Variants in CYP19A1 observed in about 807,000 individuals in gnomAD.
The protein encoded by CYP19A1 is aromatase.
In CYP19A1, 32 loss-of-function variants were observed where a neutral mutation model predicts 44.4. The observed-to-expected ratio is 0.72, with a 90% CI of 0.54 to 0.97. The LOEUF (loss-of-function observed/expected upper bound fraction) is 0.97, where lower values mean the gene tolerates loss of function less well. Among genes scored for constraint, CYP19A1 ranks in the 50% least tolerant of loss-of-function variants. CYP19A1 has a pLI of 0.00. For synonymous variants in CYP19A1, 212 were observed against 215.6 expected, an observed-to-expected ratio of 0.98 and a Z score of 0.14; for missense variants, 598 against 637.8, an observed-to-expected ratio of 0.94 and a Z score of 0.67.
intron 1 of CYP19A1, among the ~76,000 whole-genome samples, chr15:51,245,413 C>T (rs1832764565): frequency 6.6e-6 from 1 of 152,182 alleles, no homozygotes; most frequent in South Asian, 2.1e-4. Flanking sequence ...CATACGTATA[C>T]ATGTGCCATG....
rs28757209 is a variant in CYP19A1 at position 51,210,265 on chromosome 15, G to C, written c.*543C>G. ...ATTAATTGGGCTTAATTCACAGCAAGGGTCAAATGCTGAATTTCTAAGCAT... is the reference window on the plus strand; with the variant it reads ...ATTAATTGGGCTTAATTCACAGCAACGGTCAAATGCTGAATTTCTAAGCAT... On this transcript the variant is annotated 3_prime_UTR_variant, in exon 10 of 10. Coordinates refer to ENST00000396402, the MANE Select transcript of CYP19A1 (RefSeq NM_000103.4). 1.4e-3 allele frequency: 614 copies of C among 445,842 alleles called. 3 individuals carry two copies. Among genetic ancestry groups the C allele is most frequent in the African/African-American group, 0.012 (585 of 49,720 alleles). The allele number at this position is 445,842 out of a possible 1,614,324, so 27.6% of individuals were successfully genotyped here.
chr15:51,333,715 G>A (rs1002982602), intron 1 of CYP19A1, among the ~76,000 whole-genome samples: 5 of 152,122 alleles, frequency 3.3e-5, no homozygotes, highest in African/African-American at 4.8e-5. Flanking sequence ...TCTCTTAGCC[G>A]GGGCCACTCC....
chr15:51,267,827 C>A (rs1186235111), intron 1 of CYP19A1, among the ~76,000 whole-genome samples: 2 of 152,238 alleles, frequency 1.3e-5, no homozygotes, highest in African/African-American at 4.8e-5. Context: ...CTGCCGGCTC[C>A]CCATGCCCCG....
rs1186710970 is a variant in CYP19A1, at chr15:51,277,629, G to A, written c.-38-34679C>T. On this transcript the variant is annotated intron_variant, in intron 1 of 9. Transcript: ENST00000396402. ...AAAATAAATTAGAAAATAAATACGC[G>A]TATTTCCCTAATAGTGCACACCACT... is the stretch of plus-strand genomic sequence containing the variant. Among the ~76,000 whole-genome samples, 9 of 152,200 alleles carry A rather than the reference G, an allele frequency of 5.9e-5. No homozygotes were observed. In the South Asian group the frequency reaches 8.3e-4, roughly 14 times the overall value.
intron 1 of CYP19A1, among the ~76,000 whole-genome samples, chr15:51,284,397 G>A (rs139474934): frequency 6.6e-5 from 10 of 152,292 alleles, no homozygotes; most frequent in East Asian, 1.9e-4. Flanking sequence ...CGTAGGAACC[G>A]CCTCAGAGGT....
intron 2 of CYP19A1, 53 bp downstream of exon 2, chr15:51,242,715 C>T: frequency 8.1e-7 from 1 of 1,231,114 alleles, no homozygotes; most frequent in Non-Finnish European, 1.2e-6. Flanking sequence ...CATCATGGAC[C>T]AAAATCCCAA....
At chr15:51,250,539 G>C (rs1341900480) in intron 1 of CYP19A1, among the ~76,000 whole-genome samples, 1 of 152,200 alleles carries the variant, frequency 6.6e-6, no homozygotes, top group African/African-American at 2.4e-5. Context: ...GCATCTGATA[G>C]AGTCTCCCAG....
chr15:51,245,173 T>C (rs1194053214), intron 1 of CYP19A1, among the ~76,000 whole-genome samples: 1 of 152,226 alleles, frequency 6.6e-6, no homozygotes, highest in Admixed American at 6.5e-5. Flanking sequence ...TGGTCATTTT[T>C]ACAGCCCCAT....
At chr15:51,241,144 T>TG (rs1421225400) in intron 2 of CYP19A1, among the ~76,000 whole-genome samples, 1 of 152,108 alleles carries the variant, frequency 6.6e-6, no homozygotes, top group Non-Finnish European at 1.5e-5. Flanking sequence ...GTGGACAGAG[T>TG]GAGGTGCTGC....
At chr15:51,243,159 T>G in intron 1 of CYP19A1, 1 of 490,454 alleles carries the variant, frequency 2.0e-6, no homozygotes. Context: ...ATTTCTGACC[T>G]TGGTAGAGTC....
Position 51,250,842 on chromosome 15 carries a change from T to C in CYP19A1, c.-38-7892A>G, listed in dbSNP as rs79427506. ...CCCATGACTTCACTTTTCAATTCAA[T>C]TTTGTAAGACCTAACAGGTTACCTG... On this transcript the variant is annotated intron_variant, in intron 1 of 9. Transcript: ENST00000396402. Among the ~76,000 whole-genome samples the C allele has an allele frequency of 3.4e-3, 513 of 152,288 alleles. 11 individuals carry two copies. In the East Asian group the frequency reaches 0.04, roughly 12 times the overall value.
At chr15:51,288,167 A>G (rs986686348) in intron 1 of CYP19A1, among the ~76,000 whole-genome samples, 16 of 152,164 alleles carry the variant, frequency 1.1e-4, no homozygotes, top group African/African-American at 3.6e-4. Context: ...TGATTTTTGA[A>G]TGAATGAAAC....
chr15:51,237,711 G>C (rs776429362), intron 2 of CYP19A1, among the ~76,000 whole-genome samples: 7 of 152,232 alleles, frequency 4.6e-5, no homozygotes, highest in Admixed American at 6.5e-5. Context: ...GCCGAGAGTA[G>C]TGGCTGCTTA....
intron 1 of CYP19A1, among the ~76,000 whole-genome samples, chr15:51,285,384 G>T (rs982303627): frequency 6.6e-6 from 1 of 152,200 alleles, no homozygotes; most frequent in African/African-American, 2.4e-5. Context: ...TGCACAGCCT[G>T]CAATTGCCTT....
intron 3 of CYP19A1, among the ~76,000 whole-genome samples, chr15:51,235,230 A>C (rs2033313646): frequency 6.6e-6 from 1 of 152,236 alleles, no homozygotes; most frequent in Non-Finnish European, 1.5e-5. Flanking sequence ...ATTAAAATAA[A>C]AAAGTAATTA....
intron 1 of CYP19A1, chr15:51,321,907 T>G (rs2036534058): frequency 6.7e-6 from 1 of 149,564 alleles, no homozygotes; most frequent in Non-Finnish European, 1.5e-5. Context: ...GAGAAACCCA[T>G]CAACATCCTG....
chr15:51,212,445 C>T lies in CYP19A1; in HGVS notation c.1138G>A (p.Asp380Asn). ...VDLVMRKALE[D>N]DVIDGYPVKK... is the part of the protein sequence containing the mutation. ...ACTGGGTAGCCATCGATTACATCAT[C>T]TTCTAAGGCTTTGCGCATGACCAAG... Residue 380 changes from aspartate to asparagine, a missense_variant, in exon 9 of 10, where the codon GAT becomes AAT. By Grantham distance (23) the Asp-to-Asn change is conservative. Transcript: ENST00000396402. The T allele has an allele frequency of 6.2e-7, 1 of 1,610,956 alleles. No individual in the cohort carries two copies. Among genetic ancestry groups the T allele is most frequent in the Admixed American group, 1.7e-5 (1 of 60,018 alleles).
At position 51,258,194 on chromosome 15, in the gene CYP19A1, C is replaced by G. The variant is rs187976773; in HGVS notation, c.-38-15244G>C. On this transcript the variant is annotated intron_variant, in intron 1 of 9. Coordinates refer to ENST00000396402, the MANE Select transcript of CYP19A1 (RefSeq NM_000103.4). ...AGATAACATTATATTTATACCCTAC[C>G]TACTTGCAAAGGACCGGAGGCAGTA... Among the ~76,000 whole-genome samples the G allele has an allele frequency of 6.8e-3, 1,033 of 152,242 alleles. 4 individuals carry two copies. Among genetic ancestry groups the G allele is most frequent in the Non-Finnish European group, 9.8e-3 (664 of 68,024 alleles).
intron 1 of CYP19A1, among the ~76,000 whole-genome samples, chr15:51,327,039 ACT>A (rs34873000): frequency 0.43 from 65,674 of 151,862 alleles, 15,168 homozygotes; most frequent in African/African-American, 0.59. Flanking sequence ...ATTTCCAATG[ACT>A]CTGCATGCAC....
Sources: gnomAD v4.1 joint callset for allele counts (sites outside exome capture counted in the v4.1 genomes callset) on GRCh38, gnomAD v4.1.1 for gene constraint, MANE v1.5 for transcripts, NCBI Gene and HGNC (gene_info 2026-07-23, HGNC 2026-07-21) for gene names.